SP140: variants seen among roughly 807,000 people sequenced by gnomAD.
The protein encoded by SP140 is SP140 nuclear body protein.
SP140 carries 81 observed loss-of-function variants against 125.0 expected under a neutral mutation model. The observed-to-expected ratio is 0.65, with a 90% CI of 0.54 to 0.78. The LOEUF (loss-of-function observed/expected upper bound fraction) is 0.78, where lower values mean the gene tolerates loss of function less well. Among genes scored for constraint, SP140 ranks in the 30% least tolerant of loss-of-function variants. SP140 has a pLI of 0.00. For missense variants in SP140, 858 were observed against 1,037.0 expected, an observed-to-expected ratio of 0.83 and a Z score of 2.37; for synonymous variants, 312 against 354.0, an observed-to-expected ratio of 0.88 and a Z score of 1.33.
At chr2:230,220,465 T>C (rs16826886) in intron 3 of SP140, among the ~76,000 whole-genome samples, 1,933 of 152,238 alleles carry the variant, frequency 0.013, 41 homozygotes, top group African/African-American at 0.044. Context: ...CAGGATAAGA[T>C]TATTACAGGA....
At chr2:230,206,961 G>T (rs1032803694) in intron 1 of SP140, among the ~76,000 whole-genome samples, 1 of 152,014 alleles carries the variant, frequency 6.6e-6, no homozygotes, top group Non-Finnish European at 1.5e-5. Context: ...AACTGGAGTG[G>T]TCTTTCCCTA....
chr2:230,209,035 A>G (rs1441706110), intron 1 of SP140, among the ~76,000 whole-genome samples: 1 of 152,256 alleles, frequency 6.6e-6, no homozygotes, highest in Non-Finnish European at 1.5e-5. Context: ...AGGAAACAAC[A>G]AATAAATAAG....
chr2:230,272,231 G>A (rs1223701657), intron 15 of SP140, among the ~76,000 whole-genome samples: 1 of 152,010 alleles, frequency 6.6e-6, no homozygotes, highest in Non-Finnish European at 1.5e-5. Context: ...AATTCACATG[G>A]AACCAAAAAA....
upstream of SP140, among the ~76,000 whole-genome samples, chr2:230,200,212 G>C (rs41345344): frequency 0.15 from 22,939 of 152,164 alleles, 2,131 homozygotes; most frequent in South Asian, 0.27. Context: ...TTTGTCATGT[G>C]AGAGTTCTGT....
chr2:230,249,086 A>G, intron 9 of SP140, 118 bp downstream of exon 9: 1 of 695,042 alleles, frequency 1.4e-6, no homozygotes, highest in Non-Finnish European at 2.5e-6. Flanking sequence ...GCATACATAC[A>G]GATGGAATTA....
chr2:230,193,500 T>G, the SP140 span, among the ~76,000 whole-genome samples: 1 of 152,210 alleles, frequency 6.6e-6, no homozygotes, highest in Non-Finnish European at 1.5e-5. Context: ...TATCAATCTT[T>G]CGTTTCAAGA....
chr2:230,189,220 C>CT, the SP140 span, among the ~76,000 whole-genome samples: 25 of 151,720 alleles, frequency 1.6e-4, no homozygotes, highest in African/African-American at 5.1e-4. Flanking sequence ...TCTCATCTTT[C>CT]TTTTTTTCTG....
intron 1 of SP140, among the ~76,000 whole-genome samples, chr2:230,206,475 G>A (rs2043813649): frequency 6.6e-6 from 1 of 151,178 alleles, no homozygotes; most frequent in Non-Finnish European, 1.5e-5. Context: ...ATTACTTAGA[G>A]CAGGGCTAGG....
upstream of SP140, chr2:230,200,909 T>C (rs199620617): frequency 1.2e-6 from 2 of 1,613,600 alleles, no homozygotes; most frequent in African/African-American, 2.7e-5. Flanking sequence ...CGTGGTGTAC[T>C]AGGCGTCTTC....
intron 1 of SP140, among the ~76,000 whole-genome samples, chr2:230,227,613 T>C (rs757930442): frequency 1.3e-5 from 2 of 152,266 alleles, no homozygotes; most frequent in Non-Finnish European, 2.9e-5. Flanking sequence ...CTTTAATAGA[T>C]GTAGGCCTAT....
intron 9 of SP140, among the ~76,000 whole-genome samples, chr2:230,249,523 G>A (rs2050035296): frequency 6.6e-6 from 1 of 151,962 alleles, no homozygotes; most frequent in Non-Finnish European, 1.5e-5. Flanking sequence ...TATAAAATAA[G>A]GGACATTTTA....
At chr2:230,249,789 G>C (rs1472437188) in intron 9 of SP140, among the ~76,000 whole-genome samples, 1 of 152,192 alleles carries the variant, frequency 6.6e-6, no homozygotes, top group Non-Finnish European at 1.5e-5. Flanking sequence ...GGCCTATGGA[G>C]CTGAAGTCAG....
chr2:230,253,823 T>C (rs2050742779), intron 11 of SP140, among the ~76,000 whole-genome samples: 1 of 152,196 alleles, frequency 6.6e-6, no homozygotes, highest in Non-Finnish European at 1.5e-5. Context: ...TGTGAATGAT[T>C]GAATGCTTGC....
the SP140 span, among the ~76,000 whole-genome samples, chr2:230,194,550 A>G: frequency 7.2e-5 from 11 of 152,256 alleles, no homozygotes; most frequent in Non-Finnish European, 1.5e-4. Context: ...CAGAGGAACC[A>G]GAAAAATGCA....
downstream of SP140, among the ~76,000 whole-genome samples, chr2:230,313,407 C>T (rs1367759862): frequency 2.0e-5 from 3 of 152,140 alleles, no homozygotes; most frequent in East Asian, 1.9e-4. Flanking sequence ...GAATATTACC[C>T]GGGGTCAAGT....
At chr2:230,310,544 G>T (rs1041962985) in intron 23 of SP140, among the ~76,000 whole-genome samples, 199 bp from the exon 24 acceptor site, 9 of 152,146 alleles carry the variant, frequency 5.9e-5, no homozygotes, top group African/African-American at 2.2e-4. Flanking sequence ...CAGACTTCCT[G>T]CCTGCTGCTA....
intron 1 of SP140, among the ~76,000 whole-genome samples, chr2:230,226,384 C>G (rs2046353947): frequency 6.6e-6 from 1 of 152,176 alleles, no homozygotes; most frequent in Non-Finnish European, 1.5e-5. Context: ...GCCCTAGAAT[C>G]ACTTCAGGAT....
chr2:230,309,952 GCC>G lies in SP140; in HGVS notation c.2088_2089del (p.Cys696TrpfsTer18). The G allele has an allele frequency of 6.2e-7, 1 of 1,614,110 alleles. No homozygotes were observed. The highest frequency in any genetic ancestry group is 2.2e-5 in the East Asian group (1 of 44,888). ...AGAAACCTGGATGAGTGTGAGGTGTGCCGGGACGGAGGGGAGCTGTTCTGTTG... is the reference window on the plus strand; with the variant it reads ...AGAAACCTGGATGAGTGTGAGGTGTGGGGACGGAGGGGAGCTGTTCTGTTG... On this transcript the variant is annotated frameshift_variant, in exon 23 of 27. Transcript: ENST00000392045. LOFTEE classifies it high-confidence loss of function.
intron 14 of SP140, 150 bp downstream of exon 14, chr2:230,270,103 G>T (rs1191522079): frequency 4.8e-6 from 3 of 624,370 alleles, no homozygotes; most frequent in Non-Finnish European, 5.8e-6. Flanking sequence ...GGAGGCAAGA[G>T]ATCGTTATAA....
Sources: gnomAD v4.1 joint callset for allele counts (sites outside exome capture counted in the v4.1 genomes callset) on GRCh38, gnomAD v4.1.1 for gene constraint, MANE v1.5 for transcripts, NCBI Gene and HGNC (gene_info 2026-07-23, HGNC 2026-07-21) for gene names.